The following TDRD3 variants were observed in gnomAD, a reference collection of about 807,000 sequenced individuals.
TDRD3 encodes the protein tudor domain containing 3, also known as tudor domain-containing protein 3.
A neutral mutation model predicts 86.7 loss-of-function variants in TDRD3; 45 were observed. The observed-to-expected ratio is 0.52, with a 90% CI of 0.41 to 0.67. TDRD3 has a LOEUF of 0.67. Among genes scored for constraint, TDRD3 ranks in the 30% least tolerant of loss-of-function variants. The pLI is 0.00. For missense variants in TDRD3, 814 were observed against 889.0 expected, an observed-to-expected ratio of 0.92 and a Z score of 1.07; for synonymous variants, 298 against 301.7, an observed-to-expected ratio of 0.99 and a Z score of 0.13.
Position 60,565,354 on chromosome 13 carries a change from C to A in TDRD3, c.2119-2171C>A, listed in dbSNP as rs142873078. Reference sequence around the variant, plus strand: ...ACAGGCGTGAGCCACCGCGCCCGGCCGTCAGTATCTTTTTTACTTTTTTTT... The same window carrying A: ...ACAGGCGTGAGCCACCGCGCCCGGCAGTCAGTATCTTTTTTACTTTTTTTT... On this transcript the variant is annotated intron_variant, in intron 12 of 13. Coordinates refer to ENST00000377881, the MANE Select transcript of TDRD3 (RefSeq NM_001146070.2). Among the ~76,000 whole-genome samples the A allele has an allele frequency of 2.0e-5, 3 of 152,126 alleles. No homozygotes were observed. In the East Asian group the frequency reaches 5.8e-4, roughly 29 times the overall value.
intron 2 of TDRD3, among the ~76,000 whole-genome samples, chr13:60,443,550 C>T (rs1401820200): frequency 1.3e-5 from 2 of 151,896 alleles, no homozygotes; most frequent in African/African-American, 2.4e-5. Flanking sequence ...CTTATATTCT[C>T]ATTTCTTAAG....
At chr13:60,486,031 A>G (rs1356960723) in intron 7 of TDRD3, 83 bp downstream of exon 7, 7 of 1,365,204 alleles carry the variant, frequency 5.1e-6, no homozygotes, top group African/African-American at 4.5e-5. Context: ...GTCTTTTCAT[A>G]TAAGCTAACT....
At chr13:60,516,304 G>T (rs966499721) in intron 10 of TDRD3, among the ~76,000 whole-genome samples, 1 of 152,090 alleles carries the variant, frequency 6.6e-6, no homozygotes, top group East Asian at 1.9e-4. Context: ...TGTCAGGCTG[G>T]TTGGAAAAAA....
chr13:60,457,399 G>A (rs1196824005), intron 3 of TDRD3, among the ~76,000 whole-genome samples: 1 of 152,206 alleles, frequency 6.6e-6, no homozygotes, highest in Non-Finnish European at 1.5e-5. Flanking sequence ...TAGTGGGACA[G>A]CCAAATGGAC....
chr13:60,493,578 A>G (rs970478508), intron 7 of TDRD3, among the ~76,000 whole-genome samples: 12 of 152,106 alleles, frequency 7.9e-5, no homozygotes, highest in African/African-American at 2.9e-4. Context: ...CAGGATAATC[A>G]CTTGAGCCTG....
At position 60,506,443 on chromosome 13, in the gene TDRD3, A is replaced by ATGT. The variant is rs1956938966; in HGVS notation, c.859-3319_859-3318insGTT. 5.9e-5 allele frequency among the ~76,000 whole-genome samples: 9 copies of ATGT among 152,288 alleles called. No individual in the cohort carries two copies. In the South Asian group the frequency reaches 1.9e-3, roughly 32 times the overall value. The stretch of plus-strand genomic sequence containing the variant: ...ACTAACCACTGCAAAAACATACCAA[A>ATGT]TTGTAAAGAACATTGACACTGGCCG... On this transcript the variant is annotated intron_variant, in intron 8 of 13. Transcript: ENST00000377881.
chr13:60,539,906 C>T (rs1957773526), intron 12 of TDRD3, among the ~76,000 whole-genome samples: 1 of 151,866 alleles, frequency 6.6e-6, no homozygotes, highest in Non-Finnish European at 1.5e-5. Flanking sequence ...AAATTAGGCT[C>T]CATCTAGTTT....
At chr13:60,454,609 T>G (rs1282712788) in intron 3 of TDRD3, among the ~76,000 whole-genome samples, 1 of 152,128 alleles carries the variant, frequency 6.6e-6, no homozygotes, top group Admixed American at 6.6e-5. Context: ...TGAGTTAAAG[T>G]GCTGGCTAAG....
chr13:60,481,614 A>G (rs1170861180), intron 5 of TDRD3, among the ~76,000 whole-genome samples: 2 of 148,486 alleles, frequency 1.3e-5, no homozygotes, highest in African/African-American at 5.0e-5. Flanking sequence ...TTTTTTTTGT[A>G]TTTTTCTTTA....
intron 3 of TDRD3, among the ~76,000 whole-genome samples, chr13:60,454,051 A>G (rs1051976454): frequency 8.5e-5 from 13 of 152,248 alleles, no homozygotes; most frequent in Admixed American, 6.5e-4. Context: ...GGTTTTATAC[A>G]TGGTACTTTC....
chr13:60,524,977 C>T (rs1007816363), intron 10 of TDRD3, among the ~76,000 whole-genome samples: 1 of 146,098 alleles, frequency 6.8e-6, no homozygotes, highest in Non-Finnish European at 1.5e-5. Flanking sequence ...ATCCCAGGTA[C>T]TCTGGAGGCT....
chr13:60,520,185 A>G (rs1957260226), intron 10 of TDRD3, among the ~76,000 whole-genome samples: 1 of 152,228 alleles, frequency 6.6e-6, no homozygotes, highest in African/African-American at 2.4e-5. Context: ...TGAGAACAGG[A>G]AAACAATTGT....
intron 5 of TDRD3, among the ~76,000 whole-genome samples, chr13:60,471,498 T>C (rs970972627): frequency 6.6e-6 from 1 of 152,052 alleles, no homozygotes; most frequent in African/African-American, 2.4e-5. Flanking sequence ...CTATTCAGTA[T>C]TGAGATTCCT....
chr13:60,483,963 A>G (rs1197628129), intron 6 of TDRD3, 117 bp downstream of exon 6: 8 of 963,336 alleles, frequency 8.3e-6, no homozygotes, highest in African/African-American at 5.1e-5. Context: ...TTATTTGGAA[A>G]TATGAAGTTC....
At chr13:60,425,677 T>C (rs1018338896) in intron 1 of TDRD3, among the ~76,000 whole-genome samples, 2 of 152,236 alleles carry the variant, frequency 1.3e-5, no homozygotes, top group South Asian at 2.1e-4. Flanking sequence ...CAGTACGGAT[T>C]TGAACTGTGT....
intron 10 of TDRD3, 147 bp downstream of exon 10, chr13:60,510,902 G>A: frequency 2.4e-6 from 2 of 819,986 alleles, no homozygotes. Flanking sequence ...CTGAGTGTTT[G>A]TTTATAAATT....
intron 10 of TDRD3, among the ~76,000 whole-genome samples, chr13:60,523,507 C>T (rs1957335846): frequency 1.3e-5 from 2 of 151,804 alleles, no homozygotes; most frequent in Non-Finnish European, 2.9e-5. Context: ...TATGAGCTTT[C>T]CCCACCTTGG....
upstream of TDRD3, chr13:60,396,760 G>A (rs999360749): frequency 6.6e-6 from 1 of 152,304 alleles, no homozygotes; most frequent in African/African-American, 2.4e-5. Context: ...TTGCGTCCGG[G>A]CGGACCAAAA....
intron 10 of TDRD3, 62 bp downstream of exon 10, chr13:60,510,817 TAGCGTATTTC>T: frequency 2.4e-6 from 3 of 1,258,846 alleles, no homozygotes; most frequent in Non-Finnish European, 3.2e-6. Context: ...TTTTTTTTTT[TAGCGTATTTC>T]TTTTTAAAAG....
Sources: allele counts gnomAD v4.1 joint callset (sites outside exome capture counted in the v4.1 genomes callset), GRCh38; gene constraint gnomAD v4.1.1; transcripts MANE v1.5; gene names NCBI Gene and HGNC (gene_info 2026-07-23, HGNC 2026-07-21).